Variants in SKIDA1 observed in about 807,000 individuals in gnomAD.
The protein encoded by SKIDA1 is SKI/DACH domain containing 1.
SKIDA1 carries 18 observed loss-of-function variants against 51.4 expected under a neutral mutation model. That is an observed-to-expected ratio of 0.35 (90% CI 0.24 to 0.52). The LOEUF (loss-of-function observed/expected upper bound fraction) is 0.52, where lower values mean the gene tolerates loss of function less well. Among genes scored for constraint, SKIDA1 ranks in the 20% least tolerant of loss-of-function variants. The probability of loss-of-function intolerance (pLI) is 0.95; values close to 1 mark genes in which losing one functional copy is unlikely to be tolerated. For missense variants in SKIDA1, 1,104 were observed against 1,180.6 expected (o/e 0.94, Z 0.95); for synonymous variants, 579 against 500.5 (o/e 1.16, Z -2.09).
In SKIDA1 at chr10:21,523,880, A is replaced by C. The variant is rs1262997326; in HGVS notation, c.-2117-9T>G. On this transcript the variant is annotated splice_polypyrimidine_tract_variant and intron_variant, in intron 1 of 3. Transcript: ENST00000449193. Reference sequence around the variant, plus strand: ...CTGCAGCTACTGGGAACCTACAAAAAAGCGGGAGATAAAAAAAAAAAAAAA... The same window carrying C: ...CTGCAGCTACTGGGAACCTACAAAACAGCGGGAGATAAAAAAAAAAAAAAA... The C allele has an allele frequency of 6.7e-6, 1 of 149,296 alleles. No homozygotes were observed. Among genetic ancestry groups the C allele is most frequent in the Non-Finnish European group, 1.5e-5 (1 of 67,672 alleles). 9.2% of individuals were successfully genotyped at this position (149,296 alleles called of 1,614,324 possible).
rs377557900 is a variant in SKIDA1, at chr10:21,517,258, A to G, written c.565T>C (p.Cys189Arg). ...SHYPEIVRSP[C>R]KPPLNYETAP... ...GTTTCATAGTTTAGAGGGGGTTTGCACGGCGAGCGCACGATCTCCGGGTAG... is the reference window on the plus strand; with the variant it reads ...GTTTCATAGTTTAGAGGGGGTTTGCGCGGCGAGCGCACGATCTCCGGGTAG... Residue 189 changes from cysteine to arginine, a missense_variant, in exon 4 of 4, where the codon TGC becomes CGC. By Grantham distance (180) the Cys-to-Arg change is radical. Around this residue, in one of 3 missense-constraint regions of SKIDA1, gnomAD observed 938 missense variants for 886.4 expected, o/e 1.06. Coordinates refer to ENST00000449193, the MANE Select transcript of SKIDA1 (RefSeq NM_207371.4). The surrounding 1 kb of genome is among the most constrained non-coding windows in gnomAD (Gnocchi z 6.9). 6.6e-4 allele frequency: 980 copies of G among 1,474,280 alleles called. No homozygotes were observed. The highest frequency in any genetic ancestry group is 8.2e-4 in the Non-Finnish European group (906 of 1,110,098). 91.3% of individuals were successfully genotyped at this position (1,474,280 alleles called of 1,614,324 possible). A position where few individuals can be genotyped will look rare whatever the true frequency, so the allele number is the denominator to read the frequency against.
Position 21,516,791 on chromosome 10 carries a change from ATGGTGGTGGTGGTGGTGG to A in SKIDA1, c.1014_1031del (p.His346_His351del). On this transcript the variant is annotated inframe_deletion, in exon 4 of 4. Transcript: ENST00000449193. This position sits in a 1 kb window ranked among gnomAD's most constrained non-coding sequence, Gnocchi z 5.7. ...CCCGGTGGTGGTGGTGGTGGTGGTG[ATGGTGGTGGTGGTGGTGG>A]TGGTGCGGAGGCGGGCAGAAGCCGT... The A allele has an allele frequency of 6.6e-7, 1 of 1,514,332 alleles. No homozygotes were observed. Among genetic ancestry groups the A allele is most frequent in the Non-Finnish European group, 8.8e-7 (1 of 1,131,320 alleles). The allele number at this position is 1,514,332 out of a possible 1,614,324, so 93.8% of individuals were successfully genotyped here.
rs1381605812 is a variant in SKIDA1, at chr10:21,521,440, G to C, written c.-1888C>G. 6.6e-6 allele frequency: 1 copy of C among 152,586 alleles called. No homozygotes were observed. The highest frequency in any genetic ancestry group is 1.9e-4 in the East Asian group (1 of 5,204). 9.5% of individuals were successfully genotyped at this position (152,586 alleles called of 1,614,324 possible). On this transcript the variant is annotated 5_prime_UTR_variant, in exon 3 of 4. Transcript: ENST00000449193. ...ATAAAGTACTATTCTTCAAAAGCCA[G>C]GGGGTTTCTTTGATAAATTTGTTGA...
chr10:21,520,045 A>G (rs935924192), intron 3 of SKIDA1, among the ~76,000 whole-genome samples: 1 of 152,256 alleles, frequency 6.6e-6, no homozygotes, highest in Non-Finnish European at 1.5e-5. Flanking sequence ...TGTATGTACA[A>G]ACCGCGATGT....
In SKIDA1 at chr10:21,516,791, ATGGTGGTGG is replaced by A. The variant is rs749932127; in HGVS notation, c.1023_1031del (p.His349_His351del). ...CCCGGTGGTGGTGGTGGTGGTGGTG[ATGGTGGTGG>A]TGGTGGTGGTGGTGCGGAGGCGGGC... On this transcript the variant is annotated inframe_deletion, in exon 4 of 4. Transcript: ENST00000449193. This position sits in a 1 kb window ranked among gnomAD's most constrained non-coding sequence, Gnocchi z 5.7. 1.8e-4 allele frequency: 270 copies of A among 1,514,368 alleles called. No homozygotes were observed. The highest frequency in any genetic ancestry group is 4.7e-4 in the South Asian group (39 of 82,164). The allele number at this position is 1,514,368 out of a possible 1,614,324, so 93.8% of individuals were successfully genotyped here.
chr10:21,515,162 T>C lies in SKIDA1; in HGVS notation c.2661A>G (p.Lys887=), dbSNP rs1337442231. The change falls in exon 4 of 4, where the codon AAA becomes AAG. Residue 887 remains lysine (K), a synonymous_variant. Transcript: ENST00000449193. ...QTPHKAHPIW[K]WQLGGSAIPL... The stretch of plus-strand genomic sequence containing the variant: ...GTATTGCAGAACCGCCCAGCTGCCA[T>C]TTCCATATAGGATGGGCCTTGTGAG... The C allele has an allele frequency of 1.2e-6, 2 of 1,613,816 alleles. No individual in the cohort carries two copies. The highest frequency in any genetic ancestry group is 1.1e-5 in the South Asian group (1 of 91,068).
rs573922821 is a variant in SKIDA1, at chr10:21,519,630, A to C, written c.-1808T>G. 6.0e-6 allele frequency: 1 copy of C among 167,084 alleles called. No homozygotes were observed. Among genetic ancestry groups the C allele is most frequent in the Non-Finnish European group, 1.5e-5 (1 of 68,110 alleles). 10.4% of individuals were successfully genotyped at this position (167,084 alleles called of 1,614,324 possible). A position where few individuals can be genotyped will look rare whatever the true frequency, so the allele number is the denominator to read the frequency against. On this transcript the variant is annotated 5_prime_UTR_variant, in exon 4 of 4. Transcript: ENST00000449193. ...CTCCAAAAATAGACACATCCGCGTG[A>C]TTAAAAGAATAAACGGATATTTCTG...
chr10:21,524,997 G>C (rs1454363693), intron 1 of SKIDA1, among the ~76,000 whole-genome samples: 1 of 152,154 alleles, frequency 6.6e-6, no homozygotes, highest in Non-Finnish European at 1.5e-5. Context: ...TAATAAAAAA[G>C]GCTTGCTGTG....
chr10:21,515,908 G>A lies in SKIDA1; in HGVS notation c.1915C>T (p.Leu639Phe), dbSNP rs779007202. ...EANSEKYSKI[L>F]HCPEFATDLP... ...TCCGTAGCAAATTCAGGACAATGAA[G>A]GATTTTGGAATATTTTTCTGAATTT... The change falls in exon 4 of 4, where the codon CTT becomes TTT. Residue 639 changes from leucine (L) to phenylalanine (F), a missense_variant. Transcript: ENST00000449193. 5 of 1,613,860 alleles carry A rather than the reference G, an allele frequency of 3.1e-6. No individual in the cohort carries two copies. In the African/African-American group the frequency reaches 4.0e-5, roughly 13 times the overall value.
chr10:21,515,401 G>A lies in SKIDA1; in HGVS notation c.2422C>T (p.Arg808Cys). 1 of 1,613,982 alleles carries A rather than the reference G, an allele frequency of 6.2e-7. No individual in the cohort carries two copies. The highest frequency in any genetic ancestry group is 8.5e-7 in the Non-Finnish European group (1 of 1,179,888). The change falls in exon 4 of 4, where the codon CGT (arginine) becomes TGT (cysteine). Residue 808 changes from arginine to cysteine, a missense_variant. Arg to Cys is a radical substitution (Grantham distance 180, BLOSUM62 -3). This residue lies in a region of SKIDA1 where 112 missense variants were observed against 168.3 expected (regional missense o/e 0.67). Transcript: ENST00000449193. ...KPNLKSARSP[R>C]PTGKTETNEG... ...TTTGTCTCAGTTTTACCTGTAGGACGAGGGCTTCTAGCTGATTTCAAATTT... is the reference window on the plus strand; with the variant it reads ...TTTGTCTCAGTTTTACCTGTAGGACAAGGGCTTCTAGCTGATTTCAAATTT...
chr10:21,517,033 G>A lies in SKIDA1; in HGVS notation c.790C>T (p.Pro264Ser). Reference protein sequence around the residue: ...QPKAAAGAGGPGSLSYRCKRK... With the variant: ...QPKAAAGAGGSGSLSYRCKRK... ...TTGCAGCGGTAGCTCAGGCTCCCCG[G>A]GCCTCCGGCGCCCGCCGCTGCCTTG... The change falls in exon 4 of 4, where the codon CCG (proline) becomes TCG (serine). Residue 264 changes from proline (P) to serine (S), a missense_variant. Pro to Ser is a moderately conservative substitution (Grantham distance 74, BLOSUM62 -1). Coordinates refer to ENST00000449193, the MANE Select transcript of SKIDA1 (RefSeq NM_207371.4). The surrounding 1 kb of genome is among the most constrained non-coding windows in gnomAD (Gnocchi z 6.9). The A allele has an allele frequency of 9.3e-7, 1 of 1,080,818 alleles. No individual in the cohort carries two copies. Among genetic ancestry groups the A allele is most frequent in the Non-Finnish European group, 1.1e-6 (1 of 894,388 alleles). 67.0% of individuals were successfully genotyped at this position (1,080,818 alleles called of 1,614,324 possible).
Position 21,517,445 on chromosome 10 carries a change from G to C in SKIDA1, c.378C>G (p.Ser126Arg). ...APPPERAAAA[S>R]PRPGFWKDKH... ...TGTCCTTCCAAAATCCCGGGCGGGG[G>C]CTGGCGGCAGCGGCGCGCTCTGGCG... The change falls in exon 4 of 4, where the codon AGC (serine) becomes AGG (arginine). Residue 126 changes from serine to arginine, a missense_variant. By Grantham distance (110) the Ser-to-Arg change is moderately radical. This residue lies in a region of SKIDA1 where 938 missense variants were observed against 886.4 expected (regional missense o/e 1.06). Coordinates refer to ENST00000449193, the MANE Select transcript of SKIDA1 (RefSeq NM_207371.4). This position sits in a 1 kb window ranked among gnomAD's most constrained non-coding sequence, Gnocchi z 6.9. 6.6e-7 allele frequency: 1 copy of C among 1,504,770 alleles called. No individual in the cohort carries two copies. The highest frequency in any genetic ancestry group is 8.8e-7 in the Non-Finnish European group (1 of 1,131,966). 93.2% of individuals were successfully genotyped at this position (1,504,770 alleles called of 1,614,324 possible).
At chr10:21,523,369 G>C (rs948495163) in intron 2 of SKIDA1, among the ~76,000 whole-genome samples, 1 of 152,140 alleles carries the variant, frequency 6.6e-6, no homozygotes, top group Non-Finnish European at 1.5e-5. Context: ...AATAAAGAAT[G>C]TTTACAGCTC....
At position 21,516,804 on chromosome 10, in the gene SKIDA1, T is replaced by C. The variant is rs1468738140; in HGVS notation, c.1019A>G (p.His340Arg). 9.7e-6 allele frequency: 15 copies of C among 1,539,256 alleles called. No individual in the cohort carries two copies. The East Asian group carries it at 3.7e-4, about 38-fold the overall frequency. The change falls in exon 4 of 4, where the codon CAC (histidine) becomes CGC (arginine). Residue 340 changes from histidine to arginine, a missense_variant. Around this residue, in one of 3 missense-constraint regions of SKIDA1, gnomAD observed 938 missense variants for 886.4 expected, o/e 1.06. Coordinates refer to ENST00000449193, the MANE Select transcript of SKIDA1 (RefSeq NM_207371.4). The surrounding 1 kb of genome is among the most constrained non-coding windows in gnomAD (Gnocchi z 5.7). The part of the protein sequence containing the change: ...NGFCPPPHHH[H>R]HHHHHHHHHH... Reference sequence around the variant, plus strand: ...GTGGTGGTGGTGATGGTGGTGGTGGTGGTGGTGGTGCGGAGGCGGGCAGAA... The same window carrying C: ...GTGGTGGTGGTGATGGTGGTGGTGGCGGTGGTGGTGCGGAGGCGGGCAGAA...
rs774751314 is a variant in SKIDA1 at position 21,519,096 on chromosome 10, A to C, written c.-1274T>G. On this transcript the variant is annotated 5_prime_UTR_variant, in exon 4 of 4. Coordinates refer to ENST00000449193, the MANE Select transcript of SKIDA1 (RefSeq NM_207371.4). ...ACTGGATTGGAGGCGGGATCGTCCA[A>C]GAGTCCCCAGCAAAGCCTTTGCCAG... 6.0e-6 allele frequency: 1 copy of C among 167,094 alleles called. No homozygotes were observed. Among genetic ancestry groups the C allele is most frequent in the Non-Finnish European group, 1.5e-5 (1 of 68,146 alleles). 10.4% of individuals were successfully genotyped at this position (167,094 alleles called of 1,614,324 possible).
rs1411097045 is a variant in SKIDA1, at chr10:21,517,841, CCCA to C, written c.-22_-20del. On this transcript the variant is annotated 5_prime_UTR_variant, in exon 4 of 4. Transcript: ENST00000449193. This position sits in a 1 kb window ranked among gnomAD's most constrained non-coding sequence, Gnocchi z 6.9. Reference sequence around the variant, plus strand: ...CTCCCATCTCGGGCACTAAATGATCCCCACCATTTGCAGTAAATATATACGTGA... The same window carrying C: ...CTCCCATCTCGGGCACTAAATGATCCCCATTTGCAGTAAATATATACGTGA... The C allele has an allele frequency of 6.3e-7, 1 of 1,585,896 alleles. No homozygotes were observed. Among genetic ancestry groups the C allele is most frequent in the East Asian group, 2.3e-5 (1 of 44,288 alleles).
At position 21,517,024 on chromosome 10, in the gene SKIDA1, G is replaced by A. The variant is rs1414190808; in HGVS notation, c.799C>T (p.Leu267=). ...CGCTTGCGCTTGCAGCGGTAGCTCAGGCTCCCCGGGCCTCCGGCGCCCGCC... is the reference window on the plus strand; with the variant it reads ...CGCTTGCGCTTGCAGCGGTAGCTCAAGCTCCCCGGGCCTCCGGCGCCCGCC... The part of the protein sequence containing the change: ...AAAGAGGPGS[L]SYRCKRKRGG... The change falls in exon 4 of 4, where the codon CTG becomes TTG. Residue 267 remains leucine (L), a synonymous_variant. Coordinates refer to ENST00000449193, the MANE Select transcript of SKIDA1 (RefSeq NM_207371.4). This position sits in a 1 kb window ranked among gnomAD's most constrained non-coding sequence, Gnocchi z 6.9. 14 of 1,088,740 alleles carry A rather than the reference G, an allele frequency of 1.3e-5. No individual in the cohort carries two copies. Among genetic ancestry groups the A allele is most frequent in the East Asian group, 7.0e-5 (1 of 14,240 alleles). The allele number at this position is 1,088,740 out of a possible 1,614,324, so 67.4% of individuals were successfully genotyped here.
chr10:21,523,524 GA>G lies in SKIDA1; in HGVS notation c.-1929+158del, dbSNP rs1028552508. On this transcript the variant is annotated intron_variant, in intron 2 of 3. Transcript: ENST00000449193. ...TTCACAATTGATCCTGAATGCAAAA[GA>G]AAAAAAATCAGAGAAAGTAGAGTTT... is the stretch of plus-strand genomic sequence containing the variant. Among the ~76,000 whole-genome samples, 3 of 151,544 alleles carry G rather than the reference GA, an allele frequency of 2.0e-5. No homozygotes were observed. The East Asian group carries it at 5.8e-4, about 29-fold the overall frequency.
At position 21,517,265 on chromosome 10, in the gene SKIDA1, G is replaced by A; in HGVS notation, c.558C>T (p.Arg186=). Residue 186 remains arginine (R), a synonymous_variant, in exon 4 of 4, where the codon CGC becomes CGT. Coordinates refer to ENST00000449193, the MANE Select transcript of SKIDA1 (RefSeq NM_207371.4). This position sits in a 1 kb window ranked among gnomAD's most constrained non-coding sequence, Gnocchi z 6.9. ...YPGSHYPEIV[R]SPCKPPLNYE... ...AGTTTAGAGGGGGTTTGCACGGCGA[G>A]CGCACGATCTCCGGGTAGTGCGAGC... is the stretch of plus-strand genomic sequence containing the variant. 1 of 1,474,066 alleles carries A rather than the reference G, an allele frequency of 6.8e-7. No individual in the cohort carries two copies. 91.3% of individuals were successfully genotyped at this position (1,474,066 alleles called of 1,614,324 possible).
Sources: gnomAD v4.1 joint callset for allele counts (sites outside exome capture counted in the v4.1 genomes callset) on GRCh38, gnomAD v4.1.1 for gene constraint, gnomAD v4.1.1 regional missense constraint, Gnocchi (gnomAD v3.1) non-coding constraint, MANE v1.5 for transcripts, NCBI Gene and HGNC (gene_info 2026-07-23, HGNC 2026-07-21) for gene names.